The following EPHA6 variants were observed in gnomAD, a reference collection of about 807,000 sequenced individuals.
EPHA6 encodes the protein EPH receptor A6.
Under a neutral mutation model 112.0 loss-of-function variants are expected in EPHA6, and 50 were observed. The ratio of observed to expected loss-of-function variants is 0.45; its 90% CI spans 0.36 to 0.56. EPHA6 has a LOEUF of 0.56. Ranked by LOEUF, EPHA6 falls within the 20% of genes least tolerant of loss-of-function variation. The pLI, the probability that EPHA6 is intolerant of heterozygous loss-of-function variation, is 0.00. For missense variants in EPHA6, 1,280 were observed against 1,417.4 expected (o/e 0.90, Z 1.56); for synonymous variants, 529 against 490.7 (o/e 1.08, Z -1.03).
intron 1 of EPHA6, among the ~76,000 whole-genome samples, chr3:96,826,260 A>T (rs2033652197): frequency 6.6e-6 from 1 of 151,994 alleles, no homozygotes; most frequent in South Asian, 2.1e-4. Flanking sequence ...ACTTTACTGA[A>T]TTGGACATAT....
chr3:97,175,102 A>C (rs539645376), intron 3 of EPHA6, among the ~76,000 whole-genome samples: 3 of 152,048 alleles, frequency 2.0e-5, no homozygotes, highest in African/African-American at 7.2e-5. Flanking sequence ...GTCTAGTTTC[A>C]TTATTTTGCA....
intron 2 of EPHA6, among the ~76,000 whole-genome samples, chr3:96,926,278 A>T (rs188705166): frequency 1.6e-4 from 25 of 152,228 alleles, no homozygotes; most frequent in Admixed American, 1.4e-3. Context: ...TGGTGAAACC[A>T]ACCCCATGAT....
chr3:97,186,887 A>G (rs1469197927), intron 3 of EPHA6, among the ~76,000 whole-genome samples: 2 of 152,118 alleles, frequency 1.3e-5, no homozygotes, highest in Non-Finnish European at 2.9e-5. Context: ...TTGCCACATT[A>G]CCAATTTACC....
chr3:97,660,713 T>C (rs1160096754), intron 14 of EPHA6, among the ~76,000 whole-genome samples: 1 of 152,088 alleles, frequency 6.6e-6, no homozygotes, highest in Non-Finnish European at 1.5e-5. Flanking sequence ...TGGAGAGTAT[T>C]CTTTAATTCT....
intron 5 of EPHA6, among the ~76,000 whole-genome samples, chr3:97,286,315 C>T (rs1399404371): frequency 1.3e-5 from 2 of 152,092 alleles, no homozygotes; most frequent in East Asian, 3.8e-4. Context: ...TTTGGCTAGA[C>T]CAATGCAATG....
At chr3:97,241,151 T>C (rs1458754002) in intron 4 of EPHA6, among the ~76,000 whole-genome samples, 1 of 150,048 alleles carries the variant, frequency 6.7e-6, no homozygotes, top group African/African-American at 2.5e-5. Flanking sequence ...GAAATTCAAA[T>C]TGAAGCAAAA....
chr3:97,151,905 T>C (rs1458087230), intron 3 of EPHA6, among the ~76,000 whole-genome samples: 3 of 152,080 alleles, frequency 2.0e-5, no homozygotes, highest in Non-Finnish European at 4.4e-5. Flanking sequence ...ATAGTACTTT[T>C]ATATAATCAT....
At chr3:97,433,850 C>A (rs1440173527) in intron 6 of EPHA6, among the ~76,000 whole-genome samples, 1 of 152,032 alleles carries the variant, frequency 6.6e-6, no homozygotes, top group East Asian at 1.9e-4. Flanking sequence ...AGGCACGTTG[C>A]CCCATGTCCC....
intron 10 of EPHA6, among the ~76,000 whole-genome samples, chr3:97,490,785 CTCAGGAT>C (rs1239429534): frequency 6.6e-6 from 1 of 152,188 alleles, no homozygotes; most frequent in Non-Finnish European, 1.5e-5. Flanking sequence ...GTGTCAGTGG[CTCAGGAT>C]TCAGGAATGG....
At chr3:97,174,613 CAT>C (rs2076785592) in intron 3 of EPHA6, among the ~76,000 whole-genome samples, 1 of 151,872 alleles carries the variant, frequency 6.6e-6, no homozygotes, top group Non-Finnish European at 1.5e-5. Flanking sequence ...GATGATATCT[CAT>C]AGTAGTTTTT....
intron 2 of EPHA6, among the ~76,000 whole-genome samples, chr3:96,940,811 C>T (rs948416998): frequency 7.2e-5 from 11 of 152,246 alleles, no homozygotes; most frequent in South Asian, 4.1e-4. Flanking sequence ...CAAAATCTCT[C>T]GGCATTTGCT....
At chr3:97,277,659 G>C (rs1483435079) in intron 5 of EPHA6, among the ~76,000 whole-genome samples, 1 of 152,102 alleles carries the variant, frequency 6.6e-6, no homozygotes, top group African/African-American at 2.4e-5. Flanking sequence ...TAACACAATG[G>C]TAAATACTTA....
chr3:97,147,474 T>C (rs73848564), intron 3 of EPHA6, among the ~76,000 whole-genome samples: 2,693 of 152,188 alleles, frequency 0.018, 86 homozygotes, highest in African/African-American at 0.056. Flanking sequence ...AAAGTGGCAC[T>C]ACTTACTGAT....
chr3:97,635,306 A>G (rs945820309), intron 13 of EPHA6, among the ~76,000 whole-genome samples: 2 of 152,138 alleles, frequency 1.3e-5, no homozygotes, highest in Non-Finnish European at 2.9e-5. Flanking sequence ...CGTTATTACC[A>G]TGATGATTGA....
intron 2 of EPHA6, among the ~76,000 whole-genome samples, chr3:96,921,605 G>C (rs2039768396): frequency 6.7e-6 from 1 of 148,290 alleles, no homozygotes; most frequent in Non-Finnish European, 1.5e-5. Context: ...TCAAGACTCT[G>C]TCATCCAGGC....
chr3:97,443,717 C>T (rs111808415), intron 6 of EPHA6, among the ~76,000 whole-genome samples: 7 of 152,062 alleles, frequency 4.6e-5, no homozygotes, highest in African/African-American at 1.2e-4. Flanking sequence ...TGTATTTAAA[C>T]ATTTGGTGTT....
At chr3:97,725,632 A>G (rs2034728832) in intron 15 of EPHA6, among the ~76,000 whole-genome samples, 1 of 152,152 alleles carries the variant, frequency 6.6e-6, no homozygotes, top group Non-Finnish European at 1.5e-5. Context: ...GCTTTAGAAC[A>G]AGATCTCTCA....
chr3:97,744,645 A>G (rs1370396260), intron 16 of EPHA6, among the ~76,000 whole-genome samples: 3 of 151,940 alleles, frequency 2.0e-5, no homozygotes, highest in Admixed American at 2.0e-4. Context: ...GCTTTTCAAC[A>G]AGGGAAATAG....
At chr3:97,362,593 A>T (rs1457723659) in intron 5 of EPHA6, among the ~76,000 whole-genome samples, 1 of 152,042 alleles carries the variant, frequency 6.6e-6, no homozygotes, top group African/African-American at 2.4e-5. Flanking sequence ...AGGTTGTTTA[A>T]TTTAATGTTG....
Sources: allele counts gnomAD v4.1 joint callset (sites outside exome capture counted in the v4.1 genomes callset), GRCh38; gene constraint gnomAD v4.1.1; transcripts MANE v1.5; gene names NCBI Gene and HGNC (gene_info 2026-07-23, HGNC 2026-07-21).